GRTP1: variants seen among roughly 807,000 people sequenced by gnomAD.
GRTP1 encodes the protein growth hormone regulated TBC protein 1.
In GRTP1, 56 loss-of-function variants were observed where a neutral mutation model predicts 38.1. The observed-to-expected ratio is 1.47, with a 90% CI of 1.19 to 1.84. The LOEUF is 1.84. Ranked by LOEUF, GRTP1 falls within the 40% of genes most tolerant of loss-of-function variation. The pLI is 0.00. For missense variants in GRTP1, 506 were observed against 453.9 expected (o/e 1.11, Z -1.04); for synonymous variants, 217 against 189.5 (o/e 1.14, Z -1.19).
chr13:113,336,892 C>A (rs1483462684), intron 5 of GRTP1, among the ~76,000 whole-genome samples: 1 of 152,216 alleles, frequency 6.6e-6, no homozygotes, highest in African/African-American at 2.4e-5. Context: ...GTACAAATTT[C>A]CAGATTCCAG....
chr13:113,349,639 C>T lies in GRTP1; in HGVS notation c.465+1210G>A, dbSNP rs1424758379. Among the ~76,000 whole-genome samples the T allele has an allele frequency of 6.6e-6, 1 of 152,238 alleles. No homozygotes were observed. The highest frequency in any genetic ancestry group is 1.5e-5 in the Non-Finnish European group (1 of 68,048). ...AGCCACACACGCACAGCACGTGGAA[C>T]AGCTGGTGAGGACAGCGTGGTCCCG... is the stretch of plus-strand genomic sequence containing the variant. On this transcript the variant is annotated intron_variant, in intron 4 of 7. Coordinates refer to ENST00000375431, the MANE Select transcript of GRTP1 (RefSeq NM_024719.4). The surrounding 1 kb of genome is among the most constrained non-coding windows in gnomAD (Gnocchi z 5.0).
chr13:113,353,050 G>C (rs1049071974), intron 3 of GRTP1, among the ~76,000 whole-genome samples: 2 of 150,710 alleles, frequency 1.3e-5, no homozygotes, highest in East Asian at 4.0e-4. Context: ...ACCCACAGCT[G>C]AAAGCAGGGA....
intron 2 of GRTP1, among the ~76,000 whole-genome samples, chr13:113,357,786 A>G (rs1160353768): frequency 6.6e-6 from 1 of 152,196 alleles, no homozygotes; most frequent in African/African-American, 2.4e-5. Flanking sequence ...AGCACAGGCA[A>G]GGACTGTTCT....
intron 2 of GRTP1, 45 bp from the exon 3 acceptor site, chr13:113,355,526 C>T (rs1379435767): frequency 6.5e-7 from 1 of 1,544,876 alleles, no homozygotes; most frequent in Non-Finnish European, 8.7e-7. Context: ...GACCAGGGGC[C>T]TGCGGGGCCC....
intron 4 of GRTP1, among the ~76,000 whole-genome samples, 188 bp downstream of exon 4, chr13:113,350,661 T>A (rs1467753273): frequency 1.3e-5 from 2 of 152,156 alleles, no homozygotes; most frequent in Non-Finnish European, 1.5e-5. Flanking sequence ...GAGGCCGGAA[T>A]GAGGTCGTCG....
At chr13:113,351,395 C>T (rs2139499208) in intron 3 of GRTP1, among the ~76,000 whole-genome samples, 1 of 152,322 alleles carries the variant, frequency 6.6e-6, no homozygotes, top group East Asian at 1.9e-4. Flanking sequence ...AGGTGTTTTC[C>T]TAATTTCAAA....
intron 5 of GRTP1, among the ~76,000 whole-genome samples, chr13:113,331,468 C>A (rs2042869874): frequency 1.3e-5 from 2 of 152,062 alleles, no homozygotes; most frequent in East Asian, 3.9e-4. Context: ...ACAGCCAGTG[C>A]AGGAGCCACC....
chr13:113,340,747 T>G (rs936265521), intron 5 of GRTP1, among the ~76,000 whole-genome samples: 3 of 152,004 alleles, frequency 2.0e-5, no homozygotes, highest in Admixed American at 6.6e-5. Flanking sequence ...GCCACTGCAC[T>G]CCAGCCTGGG....
chr13:113,355,348 G>A lies in GRTP1; in HGVS notation c.315C>T (p.Pro105=). 1 of 1,614,086 alleles carries A rather than the reference G, an allele frequency of 6.2e-7. No individual in the cohort carries two copies. Among genetic ancestry groups the A allele is most frequent in the Non-Finnish European group, 8.5e-7 (1 of 1,179,984 alleles). Residue 105 remains proline, a synonymous_variant, in exon 3 of 8, where the codon CCC becomes CCT. Coordinates refer to ENST00000375431, the MANE Select transcript of GRTP1 (RefSeq NM_024719.4). ...CTGTCCTGATGGCGTCCTCCAGCCT[G>A]GGGTTTCTCTCTCCCTGGAGAAGCT... ...YHQLLQGERN[P]RLEDAIRTDL... is the part of the protein sequence containing the mutation.
intron 4 of GRTP1, among the ~76,000 whole-genome samples, chr13:113,346,078 G>C (rs1468421851): frequency 2.0e-5 from 2 of 97,902 alleles, no homozygotes; most frequent in African/African-American, 9.2e-5. Context: ...CTGCGGCTGA[G>C]CAGACCTGGG....
chr13:113,331,869 C>A (rs2042876101), intron 5 of GRTP1, among the ~76,000 whole-genome samples: 1 of 150,838 alleles, frequency 6.6e-6, no homozygotes, highest in Non-Finnish European at 1.5e-5. Flanking sequence ...GTTGGCCAGG[C>A]TGGTCTCGAA....
chr13:113,336,754 GCGGACGCACACAGGC>G (rs2042961308), intron 5 of GRTP1, among the ~76,000 whole-genome samples: 1 of 9,530 alleles, frequency 1.0e-4, no homozygotes, highest in Non-Finnish European at 2.2e-4. Context: ...CCTCCAGACA[GCGGACGCACACAGGC>G]CAAGTGCCCG....
In GRTP1 at chr13:113,338,077, G is replaced by A. The variant is rs191570908; in HGVS notation, c.562+6786C>T. ...AGGGCTGCACCGACTCATGACTGAC[G>A]CAGTCTTCCGAGACAGGGCCCCCTC... On this transcript the variant is annotated intron_variant, in intron 5 of 7. Transcript: ENST00000375431. 4.1e-3 allele frequency among the ~76,000 whole-genome samples: 625 copies of A among 152,346 alleles called. 6 individuals carry two copies. Among genetic ancestry groups the A allele is most frequent in the African/African-American group, 0.014 (599 of 41,586 alleles).
rs2043041807 is a variant in GRTP1 at position 113,342,642 on chromosome 13, C to CAA, written c.562+2220_562+2221insTT. On this transcript the variant is annotated intron_variant, in intron 5 of 7. Coordinates refer to ENST00000375431, the MANE Select transcript of GRTP1 (RefSeq NM_024719.4). This position sits in a 1 kb window ranked among gnomAD's most constrained non-coding sequence, Gnocchi z 4.5. The stretch of plus-strand genomic sequence containing the variant: ...GACCTAGTTTGGGTAACTATAACTT[C>CAA]GAGGATGGATTTTAGAGCAGGATGA... Among the ~76,000 whole-genome samples the CAA allele has an allele frequency of 5.0e-4, 3 of 5,988 alleles. 1 individual carries two copies. The highest frequency in any genetic ancestry group is 7.7e-3 in the Admixed American group (2 of 260). The allele number at this position is 5,988 out of a possible 152,430, so 3.9% of individuals were successfully genotyped here.
chr13:113,362,791 G>A (rs1160378794), intron 2 of GRTP1, among the ~76,000 whole-genome samples: 1 of 151,976 alleles, frequency 6.6e-6, no homozygotes, highest in East Asian at 1.9e-4. Flanking sequence ...CCTACTGCTC[G>A]GTCCCTGGAA....
At position 113,346,529 on chromosome 13, in the gene GRTP1, C is replaced by T. The variant is rs1325671767; in HGVS notation, c.466-1570G>A. 7.4e-4 allele frequency among the ~76,000 whole-genome samples: 11 copies of T among 14,940 alleles called. 4 individuals are homozygous for T. The highest frequency in any genetic ancestry group is 8.0e-4 in the African/African-American group (11 of 13,722). 9.8% of individuals were successfully genotyped at this position (14,940 alleles called of 152,430 possible). ...GAGGACCTCTGTGGCAAAGAGCAGA[C>T]CCGGGAGGACCTCTGTGGCAAAGAG... On this transcript the variant is annotated intron_variant, in intron 4 of 7. Coordinates refer to ENST00000375431, the MANE Select transcript of GRTP1 (RefSeq NM_024719.4).
At chr13:113,324,697 C>T (rs1236365818) in intron 7 of GRTP1, 120 bp from the exon 8 acceptor site, 1 of 1,473,320 alleles carries the variant, frequency 6.8e-7, no homozygotes, top group African/African-American at 1.4e-5. Context: ...AGTCCACATC[C>T]AAGGGCTTCT....
intron 5 of GRTP1, among the ~76,000 whole-genome samples, chr13:113,344,466 C>T (rs1398077854): frequency 2.0e-5 from 3 of 152,198 alleles, no homozygotes; most frequent in African/African-American, 7.2e-5. Flanking sequence ...GTAATCCCAG[C>T]ACTTTGGGAG....
At chr13:113,337,748 G>A (rs946036053) in intron 5 of GRTP1, among the ~76,000 whole-genome samples, 83 of 152,348 alleles carry the variant, frequency 5.4e-4, no homozygotes, top group African/African-American at 1.9e-3. Flanking sequence ...CAACGGGGGC[G>A]TGGCCCAGGC....
Sources: gnomAD v4.1 joint callset for allele counts (sites outside exome capture counted in the v4.1 genomes callset) on GRCh38, gnomAD v4.1.1 for gene constraint, Gnocchi (gnomAD v3.1) non-coding constraint, MANE v1.5 for transcripts, NCBI Gene and HGNC (gene_info 2026-07-23, HGNC 2026-07-21) for gene names.